WDFY2: variants seen among roughly 807,000 people sequenced by gnomAD.
WDFY2 encodes WD repeat and FYVE domain-containing protein 2.
WDFY2 carries 36 observed loss-of-function variants against 56.4 expected under a neutral mutation model. That is an observed-to-expected ratio of 0.64 (90% CI 0.49 to 0.84). The LOEUF is 0.84. Ranked by LOEUF, WDFY2 falls within the 40% of genes least tolerant of loss-of-function variation. The pLI is 0.00. For synonymous variants in WDFY2, 176 were observed against 183.7 expected (o/e 0.96, Z 0.34); for missense variants, 444 against 512.2 (o/e 0.87, Z 1.29).
chr13:51,615,749 T>G (rs1954598697), intron 1 of WDFY2, among the ~76,000 whole-genome samples: 2 of 152,224 alleles, frequency 1.3e-5, no homozygotes, highest in Admixed American at 1.3e-4. Context: ...ATACTCTTTT[T>G]GTGACACCAT....
At chr13:51,746,618 A>C (rs926003595) in intron 7 of WDFY2, among the ~76,000 whole-genome samples, 1 of 152,250 alleles carries the variant, frequency 6.6e-6, no homozygotes, top group Non-Finnish European at 1.5e-5. Flanking sequence ...GTTTCCATGA[A>C]AATTAAGGAA....
At chr13:51,683,299 A>G (rs1284962384) in intron 3 of WDFY2, among the ~76,000 whole-genome samples, 1 of 152,262 alleles carries the variant, frequency 6.6e-6, no homozygotes, top group Non-Finnish European at 1.5e-5. Flanking sequence ...TACAACTTTT[A>G]AAATCAACGA....
At chr13:51,633,746 C>T (rs1954997028) in intron 1 of WDFY2, among the ~76,000 whole-genome samples, 2 of 152,168 alleles carry the variant, frequency 1.3e-5, no homozygotes, top group Non-Finnish European at 2.9e-5. Flanking sequence ...ACAGGTAATT[C>T]TTTAAACCAC....
chr13:51,708,846 A>G (rs1336811386), intron 4 of WDFY2, among the ~76,000 whole-genome samples: 2 of 152,208 alleles, frequency 1.3e-5, no homozygotes, highest in African/African-American at 4.8e-5. Flanking sequence ...AATACTAGTC[A>G]AAAGAAAACT....
chr13:51,731,458 T>G (rs1474237983), intron 6 of WDFY2, among the ~76,000 whole-genome samples: 3 of 152,204 alleles, frequency 2.0e-5, no homozygotes, highest in Non-Finnish European at 4.4e-5. Context: ...AAGAAATATA[T>G]TTGAGAAAAA....
rs1953594016 is a variant in WDFY2 at position 51,761,878 on chromosome 13, G to A, written c.*2109G>A. On this transcript the variant is annotated 3_prime_UTR_variant, in exon 12 of 12. Coordinates refer to ENST00000298125, the MANE Select transcript of WDFY2 (RefSeq NM_052950.4). ...GAGCTCTGAAGAGGCACACACGCAT[G>A]CCCCGCACAGGCTGTTAGCACTTGT... 1 of 152,212 alleles carries A rather than the reference G, an allele frequency of 6.6e-6. No homozygotes were observed. 9.4% of individuals were successfully genotyped at this position (152,212 alleles called of 1,614,324 possible).
chr13:51,712,059 A>C (rs555543613), intron 4 of WDFY2, among the ~76,000 whole-genome samples: 2 of 152,334 alleles, frequency 1.3e-5, no homozygotes, highest in South Asian at 4.1e-4. Flanking sequence ...AATGTCCATC[A>C]ATGATAGACT....
Position 51,759,937 on chromosome 13 carries a change from C to A in WDFY2, c.*168C>A. On this transcript the variant is annotated 3_prime_UTR_variant, in exon 12 of 12. Transcript: ENST00000298125. Reference sequence around the variant, plus strand: ...GCACAGTGGGGACCTGGCCAGTGAGCACTCGCAAGGGGACTCTTCCAACTT... The same window carrying A: ...GCACAGTGGGGACCTGGCCAGTGAGAACTCGCAAGGGGACTCTTCCAACTT... The A allele has an allele frequency of 1.6e-6, 1 of 622,700 alleles. No individual in the cohort carries two copies. Among genetic ancestry groups the A allele is most frequent in the Non-Finnish European group, 2.8e-6 (1 of 354,958 alleles). The allele number at this position is 622,700 out of a possible 1,614,324, so 38.6% of individuals were successfully genotyped here. A position where few individuals can be genotyped will look rare whatever the true frequency, so the allele number is the denominator to read the frequency against.
At chr13:51,677,553 G>C (rs1477168223) in intron 3 of WDFY2, among the ~76,000 whole-genome samples, 5 of 152,192 alleles carry the variant, frequency 3.3e-5, no homozygotes. Context: ...ATTTTAAGAA[G>C]AAATAGTGGT....
intron 1 of WDFY2, among the ~76,000 whole-genome samples, chr13:51,616,434 C>T (rs1954615607): frequency 6.6e-6 from 1 of 152,046 alleles, no homozygotes; most frequent in East Asian, 1.9e-4. Flanking sequence ...TTACCTAGTA[C>T]TCACCTGCAT....
chr13:51,715,837 G>A (rs1216303628), intron 4 of WDFY2, among the ~76,000 whole-genome samples: 3 of 152,110 alleles, frequency 2.0e-5, no homozygotes, highest in Admixed American at 2.0e-4. Flanking sequence ...CGCCCTTTCA[G>A]CCCCATTATA....
chr13:51,587,347 G>A (rs1191401068), intron 1 of WDFY2: 1 of 152,044 alleles, frequency 6.6e-6, no homozygotes, highest in Non-Finnish European at 1.5e-5. Flanking sequence ...TCATCATTAG[G>A]GCCTAACATG....
At chr13:51,707,939 CTTTTT>C (rs56054205) in intron 4 of WDFY2, among the ~76,000 whole-genome samples, 55 of 57,552 alleles carry the variant, frequency 9.6e-4, no homozygotes, top group African/African-American at 3.6e-3. Context: ...CCTAAAACAA[CTTTTT>C]TTTTTTTTTT....
chr13:51,692,367 C>T (rs1951759088), intron 3 of WDFY2, among the ~76,000 whole-genome samples: 1 of 152,168 alleles, frequency 6.6e-6, no homozygotes, highest in Non-Finnish European at 1.5e-5. Flanking sequence ...AAATACGTCC[C>T]ATCAATACCT....
In WDFY2 at chr13:51,726,358, G is replaced by A. The variant is rs79050505; in HGVS notation, c.486-1320G>A. Reference sequence around the variant, plus strand: ...TTCAGTAAGTCCCTTATTGATAGACGTTTGGGTTATTTTCAAACTTTAGCT... The same window carrying A: ...TTCAGTAAGTCCCTTATTGATAGACATTTGGGTTATTTTCAAACTTTAGCT... On this transcript the variant is annotated intron_variant, in intron 5 of 11. Coordinates refer to ENST00000298125, the MANE Select transcript of WDFY2 (RefSeq NM_052950.4). Among the ~76,000 whole-genome samples the A allele has an allele frequency of 4.6e-5, 7 of 152,232 alleles. No individual in the cohort carries two copies. The East Asian group carries it at 9.6e-4, about 21-fold the overall frequency.
intron 1 of WDFY2, among the ~76,000 whole-genome samples, chr13:51,650,657 A>G (rs2138426074): frequency 6.6e-6 from 1 of 152,352 alleles, no homozygotes; most frequent in East Asian, 1.9e-4. Context: ...CCTTTTCTGC[A>G]TCTATTGAGA....
At chr13:51,600,560 T>C (rs1475496225) in intron 1 of WDFY2, among the ~76,000 whole-genome samples, 1 of 152,204 alleles carries the variant, frequency 6.6e-6, no homozygotes, top group East Asian at 1.9e-4. Context: ...AGGGAGAGAT[T>C]GATCTCAGAC....
At position 51,764,018 on chromosome 13, in the gene WDFY2, C is replaced by T. The variant is rs1193718133; in HGVS notation, c.*4249C>T. On this transcript the variant is annotated 3_prime_UTR_variant, in exon 12 of 12. Transcript: ENST00000298125. ...TTTCGAAGTGAGAGAAAGCATTTTA[C>T]CAATACATTCTTATTTTTTCTCCTT... The T allele has an allele frequency of 3.3e-5, 5 of 152,162 alleles. 1 individual carries two copies. Among genetic ancestry groups the T allele is most frequent in the South Asian group, 4.1e-4 (2 of 4,820 alleles). The allele number at this position is 152,162 out of a possible 1,614,324, so 9.4% of individuals were successfully genotyped here.
chr13:51,759,067 G>C (rs552117124), intron 11 of WDFY2, among the ~76,000 whole-genome samples: 40 of 152,262 alleles, frequency 2.6e-4, no homozygotes, highest in African/African-American at 9.4e-4. Flanking sequence ...CTGTAGTCCA[G>C]CTACTTGGGA....
Sources: gnomAD v4.1 joint callset for allele counts (sites outside exome capture counted in the v4.1 genomes callset) on GRCh38, gnomAD v4.1.1 for gene constraint, MANE v1.5 for transcripts, NCBI Gene and HGNC (gene_info 2026-07-23, HGNC 2026-07-21) for gene names.